HDAC9: variants seen among roughly 807,000 people sequenced by gnomAD.
HDAC9 encodes the protein MEF-2 interacting transcription repressor (MITR) protein.
In HDAC9, 41 loss-of-function variants were observed where a neutral mutation model predicts 139.4. The ratio of observed to expected loss-of-function variants is 0.29; its 90% CI spans 0.23 to 0.38. The LOEUF is 0.38. Among genes scored for constraint, HDAC9 ranks in the 10% least tolerant of loss-of-function variants. The pLI is 1.00. For synonymous variants in HDAC9, 517 were observed against 476.2 expected, an observed-to-expected ratio of 1.09 and a Z score of -1.12; for missense variants, 1,147 against 1,297.0, an observed-to-expected ratio of 0.88 and a Z score of 1.78.
intron 21 of HDAC9, among the ~76,000 whole-genome samples, chr7:18,874,166 G>A (rs1311740152): frequency 6.6e-6 from 1 of 151,736 alleles, no homozygotes; most frequent in East Asian, 1.9e-4. Context: ...GTTTTTTATA[G>A]GCAGTGGGAT....
chr7:18,599,538 A>G (rs545839722), intron 6 of HDAC9, among the ~76,000 whole-genome samples: 6 of 152,270 alleles, frequency 3.9e-5, no homozygotes, highest in African/African-American at 1.4e-4. Flanking sequence ...GCAGAATGTC[A>G]TAGGGCTACG....
At chr7:18,977,881 T>C (rs16872155) in intron 25 of HDAC9, among the ~76,000 whole-genome samples, 59,062 of 150,494 alleles carry the variant, frequency 0.39, 11,892 homozygotes, top group South Asian at 0.48. Flanking sequence ...TGCATTTCAA[T>C]TGAACCATGC....
rs1782991684 is a variant in HDAC9, at chr7:18,954,158, G to T, written c.2950G>T (p.Ala984Ser). The stretch of plus-strand genomic sequence containing the variant: ...ACTATTCTTGCAGCTGGAGCCACTT[G>T]CAGAAGATATTCTCCACCAAAGCCC... Reference protein sequence around the residue: ...ALLGNELEPLAEDILHQSPNM... With the variant: ...ALLGNELEPLSEDILHQSPNM... The change falls in exon 24 of 26, where the codon GCA becomes TCA. Residue 984 changes from alanine to serine, a missense_variant. By Grantham distance (99) the Ala-to-Ser change is moderately conservative. Transcript: ENST00000686413. The T allele has an allele frequency of 6.4e-7, 1 of 1,568,340 alleles. No homozygotes were observed. Among genetic ancestry groups the T allele is most frequent in the Non-Finnish European group, 8.7e-7 (1 of 1,150,978 alleles).
intron 1 of HDAC9, 93 bp downstream of exon 1, chr7:18,496,116 C>T: frequency 1.4e-6 from 2 of 1,390,546 alleles, no homozygotes; most frequent in Non-Finnish European, 1.9e-6. Context: ...TCCTCTGCTG[C>T]TTCTCCTCAG....
chr7:18,487,426 G>A (rs1177608211), intron 1 of HDAC9, among the ~76,000 whole-genome samples: 1 of 151,996 alleles, frequency 6.6e-6, no homozygotes, highest in African/African-American at 2.4e-5. Context: ...AGAAAGTTAG[G>A]GGTTGAACTC....
intron 22 of HDAC9, among the ~76,000 whole-genome samples, chr7:18,920,909 A>G (rs941477917): frequency 1.3e-5 from 2 of 152,104 alleles, no homozygotes; most frequent in African/African-American, 4.8e-5. Flanking sequence ...TATTTTATTG[A>G]GGATTCAGAA....
At chr7:18,933,306 C>A (rs1563067527) in intron 22 of HDAC9, among the ~76,000 whole-genome samples, 1 of 151,976 alleles carries the variant, frequency 6.6e-6, no homozygotes, top group South Asian at 2.1e-4. Context: ...ACTCTGGGTC[C>A]TTTTTGTTAA....
chr7:18,358,692 T>G (rs962731640), intron 1 of HDAC9, among the ~76,000 whole-genome samples: 4 of 152,208 alleles, frequency 2.6e-5, no homozygotes, highest in Non-Finnish European at 4.4e-5. Context: ...AGGTTATTCC[T>G]TCTCTATATC....
intron 2 of HDAC9, among the ~76,000 whole-genome samples, chr7:18,269,154 A>G (rs991844321): frequency 2.6e-5 from 4 of 152,156 alleles, no homozygotes; most frequent in African/African-American, 9.7e-5. Context: ...CTTATAGCAA[A>G]TTCATGATTA....
At chr7:18,321,075 C>A (rs1040159749) in intron 1 of HDAC9, among the ~76,000 whole-genome samples, 15 of 152,168 alleles carry the variant, frequency 9.9e-5, no homozygotes, top group African/African-American at 3.6e-4. Context: ...ATAGGTTCCT[C>A]TATCCACACC....
intron 1 of HDAC9, among the ~76,000 whole-genome samples, chr7:18,102,424 C>T (rs944479092): frequency 6.6e-6 from 1 of 152,132 alleles, no homozygotes; most frequent in Non-Finnish European, 1.5e-5. Context: ...ACTTTTTCTT[C>T]AGCACTGTCA....
rs552222456 is a variant in HDAC9 at position 18,608,257 on chromosome 7, G to T, written c.664+14228G>T. Among the ~76,000 whole-genome samples, 20 of 152,200 alleles carry T rather than the reference G, an allele frequency of 1.3e-4. No individual in the cohort carries two copies. In the South Asian group the frequency reaches 3.5e-3, roughly 27 times the overall value. Reference sequence around the variant, plus strand: ...AACTCAGTTACTTTAAAATGGAAGTGTTCTTTATGGCAAAGAAATTGGAGA... The same window carrying T: ...AACTCAGTTACTTTAAAATGGAAGTTTTCTTTATGGCAAAGAAATTGGAGA... On this transcript the variant is annotated intron_variant, in intron 6 of 25. Transcript: ENST00000686413.
chr7:18,255,626 C>CTTTTTTTTTTTTTTTT (rs11386457), intron 2 of HDAC9, among the ~76,000 whole-genome samples: 1 of 113,610 alleles, frequency 8.8e-6, no homozygotes, highest in African/African-American at 3.4e-5. Context: ...TTTTTCTTTC[C>CTTTTTTTTTTTTTTTT]TTTTTTTTTT....
chr7:18,345,903 GTCTGTTTCTCTTC>G (rs1465278545), intron 1 of HDAC9, among the ~76,000 whole-genome samples: 19 of 151,874 alleles, frequency 1.3e-4, no homozygotes, highest in African/African-American at 4.6e-4. Flanking sequence ...TCCTGTTTCT[GTCTGTTTCTCTTC>G]AAGGAGCCGC....
intron 12 of HDAC9, among the ~76,000 whole-genome samples, chr7:18,686,240 C>G (rs2129093980): frequency 6.6e-6 from 1 of 152,072 alleles, no homozygotes; most frequent in South Asian, 2.1e-4. Flanking sequence ...AAGCCATTTG[C>G]TACTATGCTA....
chr7:18,402,173 G>T (rs1266586660), intron 1 of HDAC9, among the ~76,000 whole-genome samples: 1 of 152,144 alleles, frequency 6.6e-6, no homozygotes, highest in Non-Finnish European at 1.5e-5. Context: ...TTATATCCCT[G>T]TTCTTCAGTT....
chr7:18,534,379 A>AAAC (rs576766281), intron 2 of HDAC9, among the ~76,000 whole-genome samples: 12 of 152,002 alleles, frequency 7.9e-5, no homozygotes, highest in Non-Finnish European at 1.8e-4. Flanking sequence ...TGTTTCTACA[A>AAAC]AACAACAACA....
intron 2 of HDAC9, among the ~76,000 whole-genome samples, chr7:18,261,878 T>A (rs1300906656): frequency 6.6e-6 from 1 of 152,238 alleles, no homozygotes; most frequent in Admixed American, 6.5e-5. Context: ...ATCATACAAC[T>A]AAATGAAAAT....
At chr7:18,449,871 C>T (rs1032671149) in intron 1 of HDAC9, among the ~76,000 whole-genome samples, 1 of 152,016 alleles carries the variant, frequency 6.6e-6, no homozygotes, top group Non-Finnish European at 1.5e-5. Flanking sequence ...CCAATTTATA[C>T]CTCTGCTCTA....
Sources: allele counts gnomAD v4.1 joint callset (sites outside exome capture counted in the v4.1 genomes callset), GRCh38; gene constraint gnomAD v4.1.1; transcripts MANE v1.5; gene names NCBI Gene and HGNC (gene_info 2026-07-23, HGNC 2026-07-21).